The following USP6NL variants were observed in gnomAD, a reference collection of about 807,000 sequenced individuals.
USP6NL encodes USP6 N-terminal-like protein.
USP6NL carries 26 observed loss-of-function variants against 61.9 expected under a neutral mutation model. That is an observed-to-expected ratio of 0.42 (90% CI 0.31 to 0.58). The LOEUF is 0.58. Ranked by LOEUF, USP6NL falls within the 20% of genes least tolerant of loss-of-function variation. The pLI is 0.16. For missense variants in USP6NL, 1,114 were observed against 1,034.3 expected, an observed-to-expected ratio of 1.08 and a Z score of -1.06; for synonymous variants, 432 against 390.1, an observed-to-expected ratio of 1.11 and a Z score of -1.27.
intron 3 of USP6NL, among the ~76,000 whole-genome samples, chr10:11,526,069 C>T (rs1591888055): frequency 7.1e-6 from 1 of 141,586 alleles, no homozygotes; most frequent in Non-Finnish European, 1.6e-5. Context: ...ACTCCTGTGA[C>T]GTTGTCCTCT....
rs3057294 is a variant in USP6NL at position 11,460,654 on chromosome 10, T to TAA, written c.*1785_*1786dup. ...ATATATATATATATATATATATATATAAAAATCTACAGTATTTACCACTGT... is the reference window on the plus strand; with the variant it reads ...ATATATATATATATATATATATATATAAAAAAATCTACAGTATTTACCACTGT... On this transcript the variant is annotated 3_prime_UTR_variant, in exon 15 of 15. Transcript: ENST00000609104. The TAA allele has an allele frequency of 8.1e-3, 1,078 of 133,538 alleles. 10 individuals are homozygous for TAA. The highest frequency in any genetic ancestry group is 0.021 in the South Asian group (88 of 4,126). 8.3% of individuals were successfully genotyped at this position (133,538 alleles called of 1,614,324 possible).
At chr10:11,545,883 C>T (rs1418818521) in intron 2 of USP6NL, among the ~76,000 whole-genome samples, 4 of 151,182 alleles carry the variant, frequency 2.6e-5, no homozygotes, top group Non-Finnish European at 5.9e-5. Context: ...ATAGTTTTGC[C>T]AACCACACTT....
chr10:11,588,545 A>T (rs1044869690), intron 2 of USP6NL, among the ~76,000 whole-genome samples: 1 of 152,234 alleles, frequency 6.6e-6, no homozygotes, highest in Admixed American at 6.5e-5. Flanking sequence ...GAAAAAATAA[A>T]GTTGGACTGG....
intron 2 of USP6NL, chr10:11,573,500 C>T (rs1481055057): frequency 5.1e-6 from 2 of 395,946 alleles, no homozygotes; most frequent in Admixed American, 4.4e-5. Context: ...AATGCAAAAG[C>T]ATACACGGAA....
chr10:11,604,020 C>G (rs1431147615), intron 1 of USP6NL, among the ~76,000 whole-genome samples: 1 of 152,124 alleles, frequency 6.6e-6, no homozygotes, highest in Non-Finnish European at 1.5e-5. Context: ...TGCCATTAAC[C>G]AGCTCTAGGA....
chr10:11,561,139 G>A lies in USP6NL; in HGVS notation c.5-33572C>T, dbSNP rs1020698521. On this transcript the variant is annotated intron_variant, in intron 2 of 14. Transcript: ENST00000609104. The surrounding 1 kb of genome is among the most constrained non-coding windows in gnomAD (Gnocchi z 4.1). ...ATAGGACGGTAAAATTACATTTTAA[G>A]TAGTTTCATCCAGAATAGCTAAAAT... Among the ~76,000 whole-genome samples the A allele has an allele frequency of 2.0e-5, 3 of 152,132 alleles. No homozygotes were observed. The highest frequency in any genetic ancestry group is 7.2e-5 in the African/African-American group (3 of 41,426).
At chr10:11,473,257 A>C (rs975219880) in intron 14 of USP6NL, among the ~76,000 whole-genome samples, 1 of 152,218 alleles carries the variant, frequency 6.6e-6, no homozygotes, top group African/African-American at 2.4e-5. Context: ...AGCCACAGCC[A>C]CAGCCCCGCA....
At chr10:11,527,366 G>A (rs540851926) in intron 3 of USP6NL, 134 bp downstream of exon 3, 30 of 716,636 alleles carry the variant, frequency 4.2e-5, no homozygotes, top group East Asian at 3.0e-4. Flanking sequence ...TGAAGTCAGC[G>A]AAGATGATCT....
At chr10:11,471,011 C>G (rs2133177446) in intron 14 of USP6NL, among the ~76,000 whole-genome samples, 1 of 152,282 alleles carries the variant, frequency 6.6e-6, no homozygotes, top group East Asian at 1.9e-4. Flanking sequence ...TGGTGAAACC[C>G]AGTCTCTACT....
At chr10:11,577,457 A>G (rs926908169) in intron 2 of USP6NL, among the ~76,000 whole-genome samples, 68 of 152,090 alleles carry the variant, frequency 4.5e-4, no homozygotes, top group African/African-American at 1.5e-3. Context: ...CTGCTGATAC[A>G]TAAGCATGCA....
At position 11,474,224 on chromosome 10, in the gene USP6NL, A is replaced by G. The variant is rs1183106205; in HGVS notation, c.1078+7546T>C. Among the ~76,000 whole-genome samples the G allele has an allele frequency of 6.6e-6, 1 of 152,228 alleles. No individual in the cohort carries two copies. The highest frequency in any genetic ancestry group is 2.4e-5 in the African/African-American group (1 of 41,456). The stretch of plus-strand genomic sequence containing the variant: ...ATTTAGAATTTTCTGTGTTTTATAT[A>G]TTTATATTTCAGAGAATTTGGCCAA... On this transcript the variant is annotated intron_variant, in intron 14 of 14. Coordinates refer to ENST00000609104, the MANE Select transcript of USP6NL (RefSeq NM_014688.5). This position sits in a 1 kb window ranked among gnomAD's most constrained non-coding sequence, Gnocchi z 4.9.
At chr10:11,466,957 A>G (rs1166958882) in intron 14 of USP6NL, among the ~76,000 whole-genome samples, 10 of 152,228 alleles carry the variant, frequency 6.6e-5, no homozygotes, top group Admixed American at 6.5e-4. Context: ...TTCATTAAGG[A>G]GCTCATGAGG....
In USP6NL at chr10:11,489,618, C is replaced by T. The variant is rs574026341; in HGVS notation, c.544-396G>A. On this transcript the variant is annotated intron_variant, in intron 9 of 14. Coordinates refer to ENST00000609104, the MANE Select transcript of USP6NL (RefSeq NM_014688.5). The surrounding 1 kb of genome is among the most constrained non-coding windows in gnomAD (Gnocchi z 5.7). ...GTCTTGTCTCCTCTAGATTTCTGAACCCTTAAGCAGACACATCTTGGGATG... is the reference window on the plus strand; with the variant it reads ...GTCTTGTCTCCTCTAGATTTCTGAATCCTTAAGCAGACACATCTTGGGATG... Among the ~76,000 whole-genome samples the T allele has an allele frequency of 2.6e-5, 4 of 152,330 alleles. No individual in the cohort carries two copies. The highest frequency in any genetic ancestry group is 2.1e-4 in the South Asian group (1 of 4,832).
chr10:11,590,774 G>T (rs1838137137), intron 2 of USP6NL, among the ~76,000 whole-genome samples: 1 of 151,936 alleles, frequency 6.6e-6, no homozygotes, highest in Non-Finnish European at 1.5e-5. Flanking sequence ...TCTGAACTCT[G>T]GCTGCCAGGA....
chr10:11,579,646 C>T (rs1837672783), intron 2 of USP6NL, among the ~76,000 whole-genome samples: 1 of 152,130 alleles, frequency 6.6e-6, no homozygotes, highest in South Asian at 2.1e-4. Context: ...TAGCTGTTCC[C>T]TCTCTCCCCA....
In USP6NL at chr10:11,503,833, A is replaced by ATT. The variant is rs1232225069; in HGVS notation, c.277-2626_277-2625insAA. 2.0e-5 allele frequency among the ~76,000 whole-genome samples: 3 copies of ATT among 152,208 alleles called. No homozygotes were observed. In the East Asian group the frequency reaches 5.8e-4, roughly 29 times the overall value. ...TACCAACGTAGAACGTGAATCACAAAGAGGTTAAATAACTTGCCCAAAAGC... is the reference window on the plus strand; with the variant it reads ...TACCAACGTAGAACGTGAATCACAAATTGAGGTTAAATAACTTGCCCAAAAGC... On this transcript the variant is annotated intron_variant, in intron 6 of 14. Coordinates refer to ENST00000609104, the MANE Select transcript of USP6NL (RefSeq NM_014688.5).
In USP6NL at chr10:11,463,260, G is replaced by C. The variant is rs1349210269; in HGVS notation, c.1668C>G (p.Gly556=). Residue 556 remains glycine, a synonymous_variant, in exon 15 of 15, where the codon GGC becomes GGG. Transcript: ENST00000609104. This position sits in a 1 kb window ranked among gnomAD's most constrained non-coding sequence, Gnocchi z 6.3. ...STASQYDNVP[G]PELDSGASVE... Reference sequence around the variant, plus strand: ...CGGAAGCGCCGCTGTCCAGCTCCGGGCCTGGCACGTTGTCGTACTGCGATG... The same window carrying C: ...CGGAAGCGCCGCTGTCCAGCTCCGGCCCTGGCACGTTGTCGTACTGCGATG... 3.7e-6 allele frequency: 6 copies of C among 1,613,570 alleles called. No homozygotes were observed. The highest frequency in any genetic ancestry group is 3.3e-5 in the South Asian group (3 of 91,084).
rs1239804849 is a variant in USP6NL at position 11,461,498 on chromosome 10, C to A, written c.*943G>T. ...TGGGGAGAAGCCATGTGAGTCGAGG[C>A]AGAAGAAAGAAGTAACCACACTGCT... On this transcript the variant is annotated 3_prime_UTR_variant, in exon 15 of 15. Transcript: ENST00000609104. The A allele has an allele frequency of 6.6e-6, 1 of 152,184 alleles. No individual in the cohort carries two copies. The highest frequency in any genetic ancestry group is 2.4e-5 in the African/African-American group (1 of 41,434). 9.4% of individuals were successfully genotyped at this position (152,184 alleles called of 1,614,324 possible).
At position 11,611,118 on chromosome 10, in the gene USP6NL, C is replaced by A. The variant is rs182362852; in HGVS notation, c.-84+325G>T. Among the ~76,000 whole-genome samples the A allele has an allele frequency of 9.0e-3, 1,370 of 152,232 alleles. 14 individuals carry two copies. The highest frequency in any genetic ancestry group is 0.031 in the African/African-American group (1,282 of 41,564). On this transcript the variant is annotated intron_variant, in intron 1 of 14. Transcript: ENST00000609104. This position sits in a 1 kb window ranked among gnomAD's most constrained non-coding sequence, Gnocchi z 5.3. ...GACCGAAACTTGCGAGGGAGACGCGCCTGGCCGGGATCGCGGCTCACTCGG... is the reference window on the plus strand; with the variant it reads ...GACCGAAACTTGCGAGGGAGACGCGACTGGCCGGGATCGCGGCTCACTCGG...
Sources: gnomAD v4.1 joint callset for allele counts (sites outside exome capture counted in the v4.1 genomes callset) on GRCh38, gnomAD v4.1.1 for gene constraint, Gnocchi (gnomAD v3.1) non-coding constraint, MANE v1.5 for transcripts, NCBI Gene and HGNC (gene_info 2026-07-23, HGNC 2026-07-21) for gene names.